Variants in WWOX observed in about 807,000 individuals in gnomAD.
WWOX encodes the protein WW domain containing oxidoreductase.
WWOX carries 69 observed loss-of-function variants against 46.2 expected under a neutral mutation model. The observed-to-expected ratio is 1.49, with a 90% CI of 1.23 to 1.82. The LOEUF (loss-of-function observed/expected upper bound fraction) is 1.82. Among genes scored for constraint, WWOX ranks in the 40% most tolerant of loss-of-function variants. WWOX has a pLI of 0.00. For missense variants in WWOX, 919 were observed against 542.6 expected (o/e 1.69, Z -6.89); for synonymous variants, 359 against 202.6 (o/e 1.77, Z -6.56).
intron 8 of WWOX, among the ~76,000 whole-genome samples, chr16:78,772,795 G>A (rs1567549728): frequency 6.6e-6 from 1 of 152,146 alleles, no homozygotes; most frequent in East Asian, 1.9e-4. Flanking sequence ...TAGGCAGGAG[G>A]ATTGCTTGAG....
chr16:78,892,475 G>C (rs1216699959), intron 8 of WWOX, among the ~76,000 whole-genome samples: 1 of 152,176 alleles, frequency 6.6e-6, no homozygotes, highest in South Asian at 2.1e-4. Context: ...AGTTGGAACG[G>C]TGGTCATGGA....
chr16:78,756,406 A>T (rs2049648106), intron 8 of WWOX, among the ~76,000 whole-genome samples: 1 of 152,190 alleles, frequency 6.6e-6, no homozygotes, highest in Non-Finnish European at 1.5e-5. Flanking sequence ...AGGACTCTTA[A>T]ACATTATTCA....
intron 8 of WWOX, among the ~76,000 whole-genome samples, chr16:78,540,912 C>G (rs1351724307): frequency 1.3e-5 from 2 of 152,106 alleles, no homozygotes; most frequent in South Asian, 2.1e-4. Flanking sequence ...TCTAGAACTC[C>G]TGGCTTCAAG....
At chr16:78,579,566 C>T (rs1056464330) in intron 8 of WWOX, among the ~76,000 whole-genome samples, 1 of 151,984 alleles carries the variant, frequency 6.6e-6, no homozygotes, top group African/African-American at 2.4e-5. Context: ...CCAGAGACTG[C>T]GGAAGTGGCT....
chr16:78,637,909 G>A (rs917856190), intron 8 of WWOX, among the ~76,000 whole-genome samples: 1 of 152,116 alleles, frequency 6.6e-6, no homozygotes, highest in African/African-American at 2.4e-5. Context: ...CTTCCTTGCA[G>A]GGTCCGTCCT....
intron 8 of WWOX, among the ~76,000 whole-genome samples, chr16:78,471,439 TC>T (rs1384575189): frequency 9.9e-5 from 15 of 152,208 alleles, no homozygotes; most frequent in African/African-American, 3.6e-4. Flanking sequence ...GTGCAGTGTT[TC>T]TAGGAAGTTA....
chr16:78,555,941 T>C (rs2044284076), intron 8 of WWOX, among the ~76,000 whole-genome samples: 1 of 152,136 alleles, frequency 6.6e-6, no homozygotes, highest in Non-Finnish European at 1.5e-5. Flanking sequence ...GTGATAATAA[T>C]AAATCGCTGC....
chr16:78,505,995 G>C (rs1052221321), intron 8 of WWOX, among the ~76,000 whole-genome samples: 1 of 152,184 alleles, frequency 6.6e-6, no homozygotes, highest in Non-Finnish European at 1.5e-5. Context: ...CCGGCAAGAA[G>C]ACACACCATT....
At chr16:78,810,468 G>A (rs915264232) in intron 8 of WWOX, among the ~76,000 whole-genome samples, 2 of 152,216 alleles carry the variant, frequency 1.3e-5, no homozygotes, top group African/African-American at 4.8e-5. Flanking sequence ...AACATCCCTA[G>A]GAAGTATTAT....
chr16:78,586,740 C>G (rs2045217654), intron 8 of WWOX, among the ~76,000 whole-genome samples: 1 of 152,068 alleles, frequency 6.6e-6, no homozygotes, highest in Non-Finnish European at 1.5e-5. Flanking sequence ...GTGAAAATGC[C>G]ATTATTCTTT....
intron 8 of WWOX, among the ~76,000 whole-genome samples, chr16:78,970,259 G>C (rs1006553724): frequency 6.6e-6 from 1 of 152,306 alleles, no homozygotes; most frequent in African/African-American, 2.4e-5. Flanking sequence ...TAGAGACTCA[G>C]ATTTATCCCT....
At chr16:79,132,255 A>G (rs1268315945) in intron 8 of WWOX, among the ~76,000 whole-genome samples, 3 of 152,114 alleles carry the variant, frequency 2.0e-5, no homozygotes, top group African/African-American at 4.8e-5. Context: ...TATAAGTTAC[A>G]TTTTACATAA....
chr16:79,154,661 T>G (rs190662286), intron 8 of WWOX, among the ~76,000 whole-genome samples: 38 of 152,360 alleles, frequency 2.5e-4, no homozygotes, highest in African/African-American at 7.9e-4. Flanking sequence ...TGCTGATGGA[T>G]GTACACTGTA....
chr16:79,179,684 T>C (rs924963289), intron 8 of WWOX, among the ~76,000 whole-genome samples: 1 of 152,196 alleles, frequency 6.6e-6, no homozygotes, highest in Non-Finnish European at 1.5e-5. Context: ...TGATCTTTCT[T>C]TACCAGATCC....
At chr16:78,641,225 T>A (rs1021253778) in intron 8 of WWOX, among the ~76,000 whole-genome samples, 5 of 151,778 alleles carry the variant, frequency 3.3e-5, no homozygotes, top group Admixed American at 6.6e-5. Flanking sequence ...GGTCTAAGTT[T>A]CCCCCAGGAG....
intron 8 of WWOX, among the ~76,000 whole-genome samples, chr16:78,511,765 T>C (rs1281044884): frequency 2.0e-5 from 3 of 152,192 alleles, no homozygotes; most frequent in Non-Finnish European, 4.4e-5. Context: ...CAGGTTCATC[T>C]TGAAATTTGT....
At chr16:78,562,652 C>G (rs757539743) in intron 8 of WWOX, among the ~76,000 whole-genome samples, 1 of 152,184 alleles carries the variant, frequency 6.6e-6, no homozygotes, top group Admixed American at 6.5e-5. Flanking sequence ...GTCAGTTGCT[C>G]ACACTCGGTC....
intron 7 of WWOX, among the ~76,000 whole-genome samples, chr16:78,430,366 A>G (rs776360466): frequency 6.6e-6 from 1 of 152,140 alleles, no homozygotes; most frequent in Non-Finnish European, 1.5e-5. Context: ...TCCAAAAATC[A>G]CACAAAATCT....
intron 8 of WWOX, among the ~76,000 whole-genome samples, chr16:78,705,400 AAAC>A (rs1363438985): frequency 1.3e-5 from 2 of 152,244 alleles, no homozygotes; most frequent in African/African-American, 4.8e-5. Flanking sequence ...GAGAATATAA[AAAC>A]AAGCCAAGGC....
Sources: allele counts gnomAD v4.1 joint callset (sites outside exome capture counted in the v4.1 genomes callset), GRCh38; gene constraint gnomAD v4.1.1; transcripts MANE v1.5; gene names NCBI Gene and HGNC (gene_info 2026-07-23, HGNC 2026-07-21).